FAT3: variants seen among roughly 807,000 people sequenced by gnomAD.
FAT3 encodes the protein protocadherin Fat 3.
In FAT3, 95 loss-of-function variants were observed where a neutral mutation model predicts 310.2. The observed-to-expected ratio is 0.31, with a 90% CI of 0.26 to 0.36. The LOEUF is 0.36. FAT3 is among the 10% of genes least tolerant of loss of function. The pLI, the probability that FAT3 is intolerant of heterozygous loss-of-function variation, is 1.00. For synonymous variants in FAT3, 2,314 were observed against 2,192.9 expected (o/e 1.06, Z -1.54); for missense variants, 5,408 against 5,715.6 (o/e 0.95, Z 1.74).
Position 92,524,733 on chromosome 11 carries a change from C to A in FAT3, c.3392C>A (p.Thr1131Asn). 6.2e-7 allele frequency: 1 copy of A among 1,613,798 alleles called. No individual in the cohort carries two copies. Among genetic ancestry groups the A allele is most frequent in the Non-Finnish European group, 8.5e-7 (1 of 1,179,830 alleles). The change falls in exon 3 of 28, where the codon ACC becomes AAC. Residue 1131 changes from threonine (T) to asparagine (N), a missense_variant. This residue lies in a region of FAT3 where 4,588 missense variants were observed against 4,809.8 expected (regional missense o/e 0.95). Coordinates refer to ENST00000525166, the MANE Select transcript of FAT3 (RefSeq NM_001367949.2). The part of the protein sequence containing the change: ...TDRGVVPLYS[T>N]IEVYIEVEDV... ...AGGGGCGTTGTTCCACTCTACTCCA[C>A]CATTGAGGTCTACATTGAAGTTGAA...
intron 4 of FAT3, among the ~76,000 whole-genome samples, chr11:92,701,515 G>A (rs540109798): frequency 3.3e-5 from 5 of 152,322 alleles, no homozygotes; most frequent in Non-Finnish European, 7.3e-5. Flanking sequence ...CTTCTTCAGT[G>A]AATTCTAAGT....
At chr11:92,794,861 C>T (rs964015866) in intron 9 of FAT3, among the ~76,000 whole-genome samples, 2 of 152,214 alleles carry the variant, frequency 1.3e-5, no homozygotes, top group Non-Finnish European at 2.9e-5. Flanking sequence ...CTGGTCCGCA[C>T]TGGTCCTAGA....
chr11:92,782,835 G>C (rs763439046), intron 7 of FAT3, among the ~76,000 whole-genome samples: 1 of 152,090 alleles, frequency 6.6e-6, no homozygotes, highest in Non-Finnish European at 1.5e-5. Context: ...TGCTGTGTTT[G>C]GAGTTTCTAA....
At chr11:92,328,448 AATC>A (rs1455649745) in intron 1 of FAT3, among the ~76,000 whole-genome samples, 1 of 152,200 alleles carries the variant, frequency 6.6e-6, no homozygotes, top group African/African-American at 2.4e-5. Context: ...AGTTTTCTGT[AATC>A]ATCGTACAAG....
Position 92,837,823 on chromosome 11 carries a change from T to A in FAT3, c.10368+17T>A, listed in dbSNP as rs1247764699. 6.2e-7 allele frequency: 1 copy of A among 1,613,916 alleles called. No homozygotes were observed. The highest frequency in any genetic ancestry group is 1.1e-5 in the South Asian group (1 of 91,070). ...GTGATTCAGGTGAGAAAATCTTGCC[T>A]GCCAAGCACTTGTCCCTTTGCATTC... is the stretch of plus-strand genomic sequence containing the variant. On this transcript the variant is annotated intron_variant, in intron 17 of 27. Transcript: ENST00000525166.
intron 2 of FAT3, chr11:92,367,040 G>C (rs1949041860): frequency 3.6e-5 from 18 of 506,598 alleles, no homozygotes; most frequent in South Asian, 2.6e-4. Flanking sequence ...ATAACATCTA[G>C]CACTGTCCGG....
At chr11:92,310,225 G>A (rs1406058296) in intron 1 of FAT3, among the ~76,000 whole-genome samples, 1 of 152,108 alleles carries the variant, frequency 6.6e-6, no homozygotes, top group Non-Finnish European at 1.5e-5. Context: ...TTAACAGATT[G>A]CATTTTTACC....
intron 19 of FAT3, among the ~76,000 whole-genome samples, chr11:92,845,395 T>G (rs188709357): frequency 2.0e-5 from 3 of 152,134 alleles, no homozygotes; most frequent in Non-Finnish European, 4.4e-5. Flanking sequence ...GGAAACAAGT[T>G]AGGAAGCTGT....
intron 5 of FAT3, 108 bp downstream of exon 5, chr11:92,762,278 A>C (rs1946171859): frequency 8.5e-7 from 1 of 1,169,898 alleles, no homozygotes. Flanking sequence ...AAGTGAAGCC[A>C]CACAGCTGTG....
At chr11:92,673,274 G>A (rs1000658849) in intron 3 of FAT3, among the ~76,000 whole-genome samples, 3 of 152,118 alleles carry the variant, frequency 2.0e-5, no homozygotes, top group Non-Finnish European at 4.4e-5. Context: ...TTTTCTAAGT[G>A]TCATTTTTAT....
At chr11:92,362,742 A>G (rs1445528699) in intron 2 of FAT3, among the ~76,000 whole-genome samples, 1 of 152,188 alleles carries the variant, frequency 6.6e-6, no homozygotes, top group Admixed American at 6.5e-5. Context: ...CAGGACCTTG[A>G]CTGATAAAAT....
At chr11:92,625,720 C>T (rs1393238630) in intron 3 of FAT3, among the ~76,000 whole-genome samples, 2 of 148,258 alleles carry the variant, frequency 1.3e-5, no homozygotes, top group Non-Finnish European at 3.0e-5. Context: ...AATCAGGAAA[C>T]CAAGTATCTG....
At chr11:92,346,351 G>A (rs1047963069) in intron 1 of FAT3, among the ~76,000 whole-genome samples, 5 of 152,142 alleles carry the variant, frequency 3.3e-5, no homozygotes, top group Non-Finnish European at 5.9e-5. Context: ...TAACGCAGCT[G>A]TAGCTTTTGG....
At chr11:92,374,364 G>T (rs948471320) in intron 2 of FAT3, among the ~76,000 whole-genome samples, 40 of 152,310 alleles carry the variant, frequency 2.6e-4, no homozygotes, top group African/African-American at 9.1e-4. Context: ...GTGCTAAGCA[G>T]AAAAATAATG....
At chr11:92,539,038 C>A (rs910591985) in intron 3 of FAT3, among the ~76,000 whole-genome samples, 3 of 152,088 alleles carry the variant, frequency 2.0e-5, no homozygotes, top group African/African-American at 7.2e-5. Flanking sequence ...TACCTCCCAC[C>A]ACTTAAGTAA....
chr11:92,715,655 CAG>C (rs1555126736), intron 4 of FAT3, among the ~76,000 whole-genome samples: 2 of 151,880 alleles, frequency 1.3e-5, no homozygotes, highest in Non-Finnish European at 2.9e-5. Flanking sequence ...CAGAATAACA[CAG>C]GTGAAGTACT....
At chr11:92,427,656 T>C (rs1046241552) in intron 2 of FAT3, among the ~76,000 whole-genome samples, 5 of 152,172 alleles carry the variant, frequency 3.3e-5, no homozygotes, top group Non-Finnish European at 7.3e-5. Flanking sequence ...GTTCTGTTTA[T>C]GTGATAGCTT....
In FAT3 at chr11:92,697,461, G is replaced by C. The variant is rs2135907360; in HGVS notation, c.3669+16G>C. On this transcript the variant is annotated intron_variant, in intron 4 of 27. Coordinates refer to ENST00000525166, the MANE Select transcript of FAT3 (RefSeq NM_001367949.2). Reference sequence around the variant, plus strand: ...TTTTCTGGAGGTAAGCGCATAGAGGGAACTGAAATTCATTAAAACTGACTT... The same window carrying C: ...TTTTCTGGAGGTAAGCGCATAGAGGCAACTGAAATTCATTAAAACTGACTT... The C allele has an allele frequency of 6.2e-7, 1 of 1,612,950 alleles. No homozygotes were observed. The highest frequency in any genetic ancestry group is 8.5e-7 in the Non-Finnish European group (1 of 1,179,254).
At chr11:92,315,479 G>GTGTGTATA (rs1555009286) in intron 1 of FAT3, among the ~76,000 whole-genome samples, 2 of 65,188 alleles carry the variant, frequency 3.1e-5, no homozygotes, top group African/African-American at 4.9e-5. Context: ...GTGTGTGTGT[G>GTGTGTATA]TATATATATA....
Sources: gnomAD v4.1 joint callset for allele counts (sites outside exome capture counted in the v4.1 genomes callset) on GRCh38, gnomAD v4.1.1 for gene constraint, gnomAD v4.1.1 regional missense constraint, MANE v1.5 for transcripts, NCBI Gene and HGNC (gene_info 2026-07-23, HGNC 2026-07-21) for gene names.